The following LRRC1 variants were observed in gnomAD, a reference collection of about 807,000 sequenced individuals.
LRRC1 encodes the protein leucine rich repeat containing 1, also known as leucine-rich repeat-containing protein 1.
A neutral mutation model predicts 69.9 loss-of-function variants in LRRC1; 28 were observed. That is an observed-to-expected ratio of 0.40 (90% confidence interval 0.30 to 0.55). The LOEUF (loss-of-function observed/expected upper bound fraction) is 0.55. LRRC1 is among the 20% of genes least tolerant of loss of function. The probability of loss-of-function intolerance (pLI) is 0.47; values close to 1 mark genes in which losing one functional copy is unlikely to be tolerated. For missense variants in LRRC1, 498 were observed against 609.0 expected (o/e 0.82, Z 1.92); for synonymous variants, 236 against 240.2 (o/e 0.98, Z 0.16).
At chr6:53,840,052 A>C (rs979151254) in intron 1 of LRRC1, among the ~76,000 whole-genome samples, 3 of 151,958 alleles carry the variant, frequency 2.0e-5, no homozygotes, top group South Asian at 2.1e-4. Context: ...TCCCTTCATG[A>C]TTTTATTCTG....
intron 2 of LRRC1, among the ~76,000 whole-genome samples, chr6:53,852,595 T>C (rs1463723611): frequency 1.3e-5 from 2 of 152,182 alleles, no homozygotes; most frequent in Non-Finnish European, 2.9e-5. Flanking sequence ...CAAATCATAC[T>C]CCTAGTTAGT....
intron 2 of LRRC1, among the ~76,000 whole-genome samples, chr6:53,868,993 A>T (rs1766795922): frequency 6.6e-6 from 1 of 152,208 alleles, no homozygotes; most frequent in Admixed American, 6.5e-5. Flanking sequence ...AGCATTATTT[A>T]AAAATACTTG....
intron 1 of LRRC1, among the ~76,000 whole-genome samples, chr6:53,832,056 C>G (rs1051401163): frequency 1.3e-5 from 2 of 152,136 alleles, no homozygotes; most frequent in African/African-American, 4.8e-5. Context: ...AAAGAATCTT[C>G]CTAACGCAGT....
chr6:53,908,088 G>T (rs1761388765), intron 10 of LRRC1, among the ~76,000 whole-genome samples: 2 of 152,178 alleles, frequency 1.3e-5, no homozygotes, highest in Admixed American at 6.5e-5. Context: ...TGGTGGAGAG[G>T]AGAGTTAAGG....
At chr6:53,865,524 G>A (rs931933304) in intron 2 of LRRC1, among the ~76,000 whole-genome samples, 2 of 151,974 alleles carry the variant, frequency 1.3e-5, no homozygotes, top group African/African-American at 4.8e-5. Flanking sequence ...CCTCTTGATG[G>A]GACAGTTCGT....
intron 2 of LRRC1, among the ~76,000 whole-genome samples, chr6:53,867,780 C>T (rs779955193): frequency 1.8e-4 from 27 of 151,854 alleles, no homozygotes; most frequent in Non-Finnish European, 2.5e-4. Flanking sequence ...GATAGTGAGA[C>T]CCTGTCTCTA....
intron 1 of LRRC1, 73 bp from the exon 2 acceptor site, chr6:53,842,037 A>G: frequency 1.1e-6 from 1 of 911,550 alleles, no homozygotes; most frequent in Non-Finnish European, 1.8e-6. Context: ...ACATTGTTTT[A>G]CATTTCATAG....
At chr6:53,861,038 G>A (rs1177453184) in intron 2 of LRRC1, among the ~76,000 whole-genome samples, 1 of 152,214 alleles carries the variant, frequency 6.6e-6, no homozygotes, top group Non-Finnish European at 1.5e-5. Flanking sequence ...TTAGGGTGAC[G>A]GGTGAGAGAA....
chr6:53,865,472 A>T (rs1252897743), intron 2 of LRRC1, among the ~76,000 whole-genome samples: 1 of 152,144 alleles, frequency 6.6e-6, no homozygotes, highest in Non-Finnish European at 1.5e-5. Flanking sequence ...TGATATCTAC[A>T]TGCAATTGCT....
intron 10 of LRRC1, among the ~76,000 whole-genome samples, chr6:53,909,592 G>C (rs1490946811): frequency 6.6e-6 from 1 of 150,440 alleles, no homozygotes; most frequent in African/African-American, 2.5e-5. Flanking sequence ...TCAATGTAAG[G>C]TACTTTTTTA....
chr6:53,856,797 T>C (rs1445593286), intron 2 of LRRC1, among the ~76,000 whole-genome samples: 6 of 152,052 alleles, frequency 3.9e-5, no homozygotes, highest in African/African-American at 7.2e-5. Flanking sequence ...GCAGGGAGCA[T>C]GAAGTCGATT....
In LRRC1 at chr6:53,897,697, G is replaced by A. The variant is rs9395888; in HGVS notation, c.642+338G>A. On this transcript the variant is annotated intron_variant, in intron 7 of 13. Coordinates refer to ENST00000370888, the MANE Select transcript of LRRC1 (RefSeq NM_018214.5). Reference sequence around the variant, plus strand: ...CATGATTCTGATGGTATACCTTTCCGCCACTCCATGATGTGCCAAGTGCTT... The same window carrying A: ...CATGATTCTGATGGTATACCTTTCCACCACTCCATGATGTGCCAAGTGCTT... Among the ~76,000 whole-genome samples, 52 of 152,180 alleles carry A rather than the reference G, an allele frequency of 3.4e-4. No individual in the cohort carries two copies. In the South Asian group the frequency reaches 5.8e-3, roughly 17 times the overall value.
chr6:53,827,713 A>G (rs1765313967), intron 1 of LRRC1, among the ~76,000 whole-genome samples: 1 of 152,158 alleles, frequency 6.6e-6, no homozygotes, highest in Admixed American at 6.5e-5. Flanking sequence ...AGAAGTTAGA[A>G]AGGACACTGG....
chr6:53,816,945 G>A lies in LRRC1; in HGVS notation c.159+21530G>A, dbSNP rs1448558539. Among the ~76,000 whole-genome samples, 4 of 152,170 alleles carry A rather than the reference G, an allele frequency of 2.6e-5. No homozygotes were observed. In the East Asian group the frequency reaches 7.7e-4, roughly 29 times the overall value. ...TTTTAATTAGTGGCTCAATTTATGA[G>A]CTAAAAACATTCATTTCAGCTGATA... On this transcript the variant is annotated intron_variant, in intron 1 of 13. Transcript: ENST00000370888.
intron 1 of LRRC1, among the ~76,000 whole-genome samples, chr6:53,814,823 C>T (rs1345884554): frequency 6.6e-6 from 1 of 152,070 alleles, no homozygotes; most frequent in South Asian, 2.1e-4. Flanking sequence ...TTTCTGGGCC[C>T]TTTGAGCTCT....
intron 4 of LRRC1, among the ~76,000 whole-genome samples, chr6:53,895,808 T>G (rs1767850529): frequency 6.6e-6 from 1 of 152,328 alleles, no homozygotes; most frequent in Admixed American, 6.5e-5. Flanking sequence ...CTGGAGAATC[T>G]GATGAAGAGA....
At chr6:53,830,799 C>T (rs530202511) in intron 1 of LRRC1, among the ~76,000 whole-genome samples, 5 of 151,330 alleles carry the variant, frequency 3.3e-5, no homozygotes, top group Admixed American at 1.3e-4. Context: ...AAAGTAATTA[C>T]GGTTTTTGCC....
chr6:53,884,518 C>G (rs111574204), intron 4 of LRRC1, among the ~76,000 whole-genome samples: 1 of 151,944 alleles, frequency 6.6e-6, no homozygotes, highest in Non-Finnish European at 1.5e-5. Context: ...GCTTTGCCCC[C>G]CCTACACAAA....
chr6:53,802,877 A>G (rs1414092894), intron 1 of LRRC1, among the ~76,000 whole-genome samples: 1 of 152,184 alleles, frequency 6.6e-6, no homozygotes, highest in Admixed American at 6.5e-5. Flanking sequence ...TATCTTTTTA[A>G]AAAGTAGCTC....
Sources: allele counts gnomAD v4.1 joint callset (sites outside exome capture counted in the v4.1 genomes callset), GRCh38; gene constraint gnomAD v4.1.1; transcripts MANE v1.5; gene names NCBI Gene and HGNC (gene_info 2026-07-23, HGNC 2026-07-21).